Variants in RBM7 observed in about 807,000 individuals in gnomAD.
RBM7 encodes RNA-binding protein 7.
Under a neutral mutation model 31.0 loss-of-function variants are expected in RBM7, and 13 were observed. That is an observed-to-expected ratio of 0.42 (90% CI 0.27 to 0.67). The LOEUF (loss-of-function observed/expected upper bound fraction) is 0.67. Ranked by LOEUF, RBM7 falls within the 30% of genes least tolerant of loss-of-function variation. The pLI is 0.24. For missense variants in RBM7, 245 were observed against 326.2 expected, an observed-to-expected ratio of 0.75 and a Z score of 1.92; for synonymous variants, 106 against 111.2, an observed-to-expected ratio of 0.95 and a Z score of 0.30.
rs1362805462 is a variant in RBM7 at position 114,408,476 on chromosome 11, A to G, written c.*669A>G. The G allele has an allele frequency of 6.5e-6, 1 of 152,780 alleles. No homozygotes were observed. Among genetic ancestry groups the G allele is most frequent in the Non-Finnish European group, 1.5e-5 (1 of 68,028 alleles). The allele number at this position is 152,780 out of a possible 1,614,324, so 9.5% of individuals were successfully genotyped here. ...AATATCTCTACACGTATATTTTTAC[A>G]TTAAAAATACAGTGTTAGCATAAAT... On this transcript the variant is annotated 3_prime_UTR_variant, in exon 5 of 5. Coordinates refer to ENST00000375490, the MANE Select transcript of RBM7 (RefSeq NM_001286045.2).
rs770896413 is a variant in RBM7, at chr11:114,400,671, G to C, written c.-1G>C. 1 of 1,614,240 alleles carries C rather than the reference G, an allele frequency of 6.2e-7. No individual in the cohort carries two copies. The highest frequency in any genetic ancestry group is 8.5e-7 in the Non-Finnish European group (1 of 1,180,052). ...CAGGTTAGGGAGGGGGCGACGCTGAGATGGGGGCGGCGGCGGCGGAAGCGG... is the reference window on the plus strand; with the variant it reads ...CAGGTTAGGGAGGGGGCGACGCTGACATGGGGGCGGCGGCGGCGGAAGCGG... On this transcript the variant is annotated 5_prime_UTR_variant, in exon 1 of 5. Transcript: ENST00000375490.
Position 114,400,747 on chromosome 11 carries a change from C to G in RBM7, c.76C>G (p.Leu26Val). The change falls in exon 1 of 5, where the codon CTT (leucine) becomes GTT (valine). Residue 26 changes from leucine to valine, a missense_variant. Coordinates refer to ENST00000375490, the MANE Select transcript of RBM7 (RefSeq NM_001286045.2). ...TGAAACGAAAGTGACCGAGGAGCTCCTTTTCGAGCTTTTCCACCAGGTAAG... is the reference window on the plus strand; with the variant it reads ...TGAAACGAAAGTGACCGAGGAGCTCGTTTTCGAGCTTTTCCACCAGGTAAG... ...NLETKVTEEL[L>V]FELFHQAGPV... The G allele has an allele frequency of 6.2e-7, 1 of 1,614,206 alleles. No individual in the cohort carries two copies. The highest frequency in any genetic ancestry group is 8.5e-7 in the Non-Finnish European group (1 of 1,180,048).
At chr11:114,402,950 C>G in intron 3 of RBM7, 35 bp downstream of exon 3, 1 of 1,520,578 alleles carries the variant, frequency 6.6e-7, no homozygotes, top group Admixed American at 1.7e-5. Context: ...GATCATTTAT[C>G]AGGAATTCTT....
In RBM7 at chr11:114,410,550, T is replaced by A. The variant is rs1946323702; in HGVS notation, c.*2743T>A. ...CTTTCCTCAAATTTATTCCACACTC[T>A]TAAGAATTGAAGATGTAAATCTGTC... On this transcript the variant is annotated 3_prime_UTR_variant, in exon 5 of 5. Transcript: ENST00000375490. 6.6e-6 allele frequency: 1 copy of A among 152,238 alleles called. No individual in the cohort carries two copies. The highest frequency in any genetic ancestry group is 2.1e-4 in the South Asian group (1 of 4,834). The allele number at this position is 152,238 out of a possible 1,614,324, so 9.4% of individuals were successfully genotyped here. A position where few individuals can be genotyped will look rare whatever the true frequency, so the allele number is the denominator to read the frequency against.
chr11:114,404,295 A>C (rs1946238528), intron 3 of RBM7, among the ~76,000 whole-genome samples: 1 of 152,172 alleles, frequency 6.6e-6, no homozygotes, highest in African/African-American at 2.4e-5. Flanking sequence ...GATAGTTTAG[A>C]TTAAGGTGGT....
In RBM7 at chr11:114,401,812, A is replaced by C. The variant is rs1946205904; in HGVS notation, c.211A>C (p.Asn71His). 1 of 1,591,594 alleles carries C rather than the reference A, an allele frequency of 6.3e-7. No homozygotes were observed. Among genetic ancestry groups the C allele is most frequent in the Admixed American group, 1.8e-5 (1 of 54,706 alleles). ...TGTTCCTTATGCAATGAATCTACTT[A>C]ATGGAATCAAACTTTATGGAAGGCC... Reference protein sequence around the residue: ...VSVPYAMNLLNGIKLYGRPIK... With the variant: ...VSVPYAMNLLHGIKLYGRPIK... Residue 71 changes from asparagine to histidine, a missense_variant, in exon 2 of 5, where the codon AAT becomes CAT. Physicochemically the swap from Asn to His is moderately conservative, Grantham distance 68. Transcript: ENST00000375490.
At chr11:114,401,955 C>G (rs1256515113) in intron 2 of RBM7, 95 bp downstream of exon 2, 1 of 1,299,680 alleles carries the variant, frequency 7.7e-7, no homozygotes, top group Non-Finnish European at 1.0e-6. Flanking sequence ...GATGAAACTT[C>G]TTTCTTAAGC....
In RBM7 at chr11:114,400,745, T is replaced by C; in HGVS notation, c.74T>C (p.Leu25Pro). 1.9e-6 allele frequency: 3 copies of C among 1,614,168 alleles called. No homozygotes were observed. The highest frequency in any genetic ancestry group is 2.5e-6 in the Non-Finnish European group (3 of 1,180,030). The stretch of plus-strand genomic sequence containing the variant: ...CTTGAAACGAAAGTGACCGAGGAGC[T>C]CCTTTTCGAGCTTTTCCACCAGGTA... ...GNLETKVTEE[L>P]LFELFHQAGP... Residue 25 changes from leucine (L) to proline (P), a missense_variant, in exon 1 of 5, where the codon CTC (leucine) becomes CCC (proline). Leu to Pro is a moderately conservative substitution (Grantham distance 98). Transcript: ENST00000375490.
Position 114,401,754 on chromosome 11 carries a change from G to C in RBM7, c.153G>C (p.Gln51His), listed in dbSNP as rs1206633178. 1 of 1,587,192 alleles carries C rather than the reference G, an allele frequency of 6.3e-7. No homozygotes were observed. The highest frequency in any genetic ancestry group is 1.4e-5 in the African/African-American group (1 of 73,086). ...IPKDKDGKPK[Q>H]FAFVNFKHEV... ...AAGATAAGGATGGTAAACCAAAGCA[G>C]TTTGCGTTTGTGAATTTCAAACATG... The change falls in exon 2 of 5, where the codon CAG (glutamine) becomes CAC (histidine). Residue 51 changes from glutamine to histidine, a missense_variant. Gln to His is a conservative substitution (Grantham distance 24). Coordinates refer to ENST00000375490, the MANE Select transcript of RBM7 (RefSeq NM_001286045.2).
rs761823586 is a variant in RBM7, at chr11:114,407,598, C to A, written c.595C>A (p.Arg199Ser). ...GCGCCAAGGTACACCATCATCACAG[C>A]GTAAAGTCAGAATGAATTCTTATCC... ...QWRQGTPSSQ[R>S]KVRMNSYPYL... is the part of the protein sequence containing the mutation. Residue 199 changes from arginine (R) to serine (S), a missense_variant, in exon 5 of 5, where the codon CGT becomes AGT. Physicochemically the swap from Arg to Ser is moderately radical, Grantham distance 110. Transcript: ENST00000375490. 1.7e-5 allele frequency: 27 copies of A among 1,613,932 alleles called. No individual in the cohort carries two copies. The highest frequency in any genetic ancestry group is 1.0e-4 in the Admixed American group (6 of 59,996).
chr11:114,402,579 A>T (rs1431223513), intron 2 of RBM7, among the ~76,000 whole-genome samples: 1 of 150,976 alleles, frequency 6.6e-6, no homozygotes. Flanking sequence ...AATTCTTTGT[A>T]TTTTTAGTAG....
rs1946305568 is a variant in RBM7, at chr11:114,409,037, C to A, written c.*1230C>A. The A allele has an allele frequency of 6.6e-6, 1 of 151,980 alleles. No homozygotes were observed. Among genetic ancestry groups the A allele is most frequent in the Non-Finnish European group, 1.5e-5 (1 of 67,988 alleles). The allele number at this position is 151,980 out of a possible 1,614,324, so 9.4% of individuals were successfully genotyped here. Reference sequence around the variant, plus strand: ...ATATCAGTTCTTTAATTTTGAGCATCCTGAAATACATCTTTTGTACATATA... The same window carrying A: ...ATATCAGTTCTTTAATTTTGAGCATACTGAAATACATCTTTTGTACATATA... On this transcript the variant is annotated 3_prime_UTR_variant, in exon 5 of 5. Coordinates refer to ENST00000375490, the MANE Select transcript of RBM7 (RefSeq NM_001286045.2).
chr11:114,405,595 GA>G lies in RBM7; in HGVS notation c.348-110del, dbSNP rs2135354406. ...TTCTTATTCTGGCTGCATGAGAGCA[GA>G]TACCTTTCCTGTCTTGTTCATTCCG... On this transcript the variant is annotated intron_variant, in intron 3 of 4. Coordinates refer to ENST00000375490, the MANE Select transcript of RBM7 (RefSeq NM_001286045.2). 3 of 585,394 alleles carry G rather than the reference GA, an allele frequency of 5.1e-6. No individual in the cohort carries two copies. In the East Asian group the frequency reaches 9.6e-5, roughly 19 times the overall value. 36.3% of individuals were successfully genotyped at this position (585,394 alleles called of 1,614,324 possible).
intron 3 of RBM7, among the ~76,000 whole-genome samples, chr11:114,403,965 G>A (rs188306634): frequency 2.6e-5 from 4 of 152,290 alleles, no homozygotes; most frequent in Non-Finnish European, 4.4e-5. Context: ...AGAAGGAGAT[G>A]ATATAGATGA....
chr11:114,405,132 C>T (rs1467051849), intron 3 of RBM7, among the ~76,000 whole-genome samples: 2 of 152,164 alleles, frequency 1.3e-5, no homozygotes, highest in Non-Finnish European at 2.9e-5. Flanking sequence ...AAATTCTTTT[C>T]ATTTTAGTTT....
chr11:114,403,395 T>G (rs1946229119), intron 3 of RBM7, among the ~76,000 whole-genome samples: 1 of 152,216 alleles, frequency 6.6e-6, no homozygotes, highest in African/African-American at 2.4e-5. Context: ...CTATCAATTG[T>G]GTAATCTTGA....
In RBM7 at chr11:114,408,907, AAAGG is replaced by A. The variant is rs1159475773; in HGVS notation, c.*1105_*1108del. 2 of 152,272 alleles carry A rather than the reference AAAGG, an allele frequency of 1.3e-5. No homozygotes were observed. The highest frequency in any genetic ancestry group is 2.1e-4 in the South Asian group (1 of 4,824). The allele number at this position is 152,272 out of a possible 1,614,324, so 9.4% of individuals were successfully genotyped here. Reference sequence around the variant, plus strand: ...TCCTTTTTAATATACTGAAAATATAAAAGGAAGGGTGTGTGTTATTTTTTTTTTT... The same window carrying A: ...TCCTTTTTAATATACTGAAAATATAAAAGGGTGTGTGTTATTTTTTTTTTT... On this transcript the variant is annotated 3_prime_UTR_variant, in exon 5 of 5. Transcript: ENST00000375490.
At chr11:114,401,914 T>C (rs1946207497) in intron 2 of RBM7, 54 bp downstream of exon 2, 1 of 1,488,652 alleles carries the variant, frequency 6.7e-7, no homozygotes, top group Non-Finnish European at 9.0e-7. Flanking sequence ...TTTAAATTTA[T>C]TATTCAGTTT....
At chr11:114,401,132 G>A (rs927223845) in intron 1 of RBM7, among the ~76,000 whole-genome samples, 5 of 152,100 alleles carry the variant, frequency 3.3e-5, no homozygotes, top group African/African-American at 1.2e-4. Flanking sequence ...TTATCTGACT[G>A]GGAACTTAAT....
Sources: allele counts gnomAD v4.1 joint callset (sites outside exome capture counted in the v4.1 genomes callset), GRCh38; gene constraint gnomAD v4.1.1; transcripts MANE v1.5; gene names NCBI Gene and HGNC (gene_info 2026-07-23, HGNC 2026-07-21).